The following CDC42BPG variants were observed in gnomAD, a reference collection of about 807,000 sequenced individuals.
CDC42BPG encodes CDC42 binding protein kinase gamma.
A neutral mutation model predicts 192.2 loss-of-function variants in CDC42BPG; 157 were observed. That is an observed-to-expected ratio of 0.82 (90% CI 0.72 to 0.93). The LOEUF is 0.93. Ranked by LOEUF, CDC42BPG falls within the 40% of genes least tolerant of loss-of-function variation. CDC42BPG has a pLI of 0.00. For synonymous variants in CDC42BPG, 981 were observed against 918.5 expected, an observed-to-expected ratio of 1.07 and a Z score of -1.23; for missense variants, 1,992 against 2,122.1, an observed-to-expected ratio of 0.94 and a Z score of 1.20.
rs1565670589 is a variant in CDC42BPG, at chr11:64,827,736, C to T, written c.4015G>A (p.Val1339Met). ...LTVFSENSID[V>M]FDVRRAEWVQ... ...CATTCTGCCCTCCTCACGTCAAACA[C>T]ATCGATGGAGTTCTCGCTGAACACT... The change falls in exon 31 of 37, where the codon GTG (valine) becomes ATG (methionine). Residue 1339 changes from valine to methionine, a missense_variant. Val to Met is a conservative substitution (Grantham distance 21). Coordinates refer to ENST00000342711, the MANE Select transcript of CDC42BPG (RefSeq NM_017525.3). 6.2e-7 allele frequency: 1 copy of T among 1,613,406 alleles called. No individual in the cohort carries two copies. Among genetic ancestry groups the T allele is most frequent in the Non-Finnish European group, 8.5e-7 (1 of 1,179,658 alleles).
In CDC42BPG at chr11:64,844,421, A is replaced by C; in HGVS notation, c.149T>G (p.Phe50Cys). Residue 50 changes from phenylalanine (F) to cysteine (C), a missense_variant, in exon 1 of 37, where the codon TTC (phenylalanine) becomes TGC (cysteine). Phe to Cys is a radical substitution (Grantham distance 205). Around this residue, in one of 2 missense-constraint regions of CDC42BPG, gnomAD observed 1,656 missense variants for 1,844.3 expected, o/e 0.90. Transcript: ENST00000342711. The part of the protein sequence containing the change: ...PLRRERSVAQ[F>C]LSWASPFVSK... Reference sequence around the variant, plus strand: ...GCCCCGCCACTCACCCCAGCTCAGGAACTGCGCCACGCTGCGCTCCCGCCG... The same window carrying C: ...GCCCCGCCACTCACCCCAGCTCAGGCACTGCGCCACGCTGCGCTCCCGCCG... 2 of 1,464,530 alleles carry C rather than the reference A, an allele frequency of 1.4e-6. No individual in the cohort carries two copies. The highest frequency in any genetic ancestry group is 1.8e-6 in the Non-Finnish European group (2 of 1,113,860). The allele number at this position is 1,464,530 out of a possible 1,614,324, so 90.7% of individuals were successfully genotyped here. A position where few individuals can be genotyped will look rare whatever the true frequency, so the allele number is the denominator to read the frequency against.
chr11:64,827,909 C>G (rs1942510300), intron 30 of CDC42BPG, 126 bp from the exon 31 acceptor site: 1 of 748,794 alleles, frequency 1.3e-6, no homozygotes, highest in African/African-American at 1.8e-5. Context: ...GACTCCCTGT[C>G]GCCCGGCCCA....
chr11:64,830,273 G>A lies in CDC42BPG; in HGVS notation c.3305-17C>T. 6.3e-7 allele frequency: 1 copy of A among 1,592,166 alleles called. No homozygotes were observed. Among genetic ancestry groups the A allele is most frequent in the Non-Finnish European group, 8.6e-7 (1 of 1,168,456 alleles). ...GATCCTGGTCTGGTAGAGGGAGGCA[G>A]AGGGTCAGAGGTCAGCAGTCCCACT... On this transcript the variant is annotated splice_polypyrimidine_tract_variant and intron_variant, in intron 28 of 36. Coordinates refer to ENST00000342711, the MANE Select transcript of CDC42BPG (RefSeq NM_017525.3).
intron 1 of CDC42BPG, among the ~76,000 whole-genome samples, chr11:64,843,342 G>T (rs1253040381): frequency 6.8e-6 from 1 of 146,186 alleles, no homozygotes; most frequent in Non-Finnish European, 1.5e-5. Flanking sequence ...TGGGTGTCAT[G>T]GGGGGGGTGA....
intron 36 of CDC42BPG, among the ~76,000 whole-genome samples, chr11:64,826,194 T>C (rs1942407910): frequency 6.6e-6 from 1 of 152,182 alleles, no homozygotes. Flanking sequence ...CACATCATTT[T>C]ACAGGTAAGA....
Position 64,827,507 on chromosome 11 carries a change from G to A in CDC42BPG, c.4150+20C>T, listed in dbSNP as rs748255266. 10 of 1,611,164 alleles carry A rather than the reference G, an allele frequency of 6.2e-6. No homozygotes were observed. In the East Asian group the frequency reaches 6.7e-5, roughly 11 times the overall value. On this transcript the variant is annotated intron_variant, in intron 32 of 36. Coordinates refer to ENST00000342711, the MANE Select transcript of CDC42BPG (RefSeq NM_017525.3). ...TGCGCACTGGGGAACGCACACACCC[G>A]TACACACGCACTCCCTCACCTGCCA... is the stretch of plus-strand genomic sequence containing the variant.
rs567335123 is a variant in CDC42BPG at position 64,843,764 on chromosome 11, G to A, written c.160+646C>T. ...CAGCTAGGCCCCCCTCCCCGGCCCC[G>A]GCGCCACAGCCCCCAAGGAGCTTGG... On this transcript the variant is annotated intron_variant, in intron 1 of 36. Transcript: ENST00000342711. Among the ~76,000 whole-genome samples, 11 of 152,278 alleles carry A rather than the reference G, an allele frequency of 7.2e-5. No individual in the cohort carries two copies. In the South Asian group the frequency reaches 1.7e-3, roughly 23 times the overall value.
At position 64,826,952 on chromosome 11, in the gene CDC42BPG, T is replaced by G. The variant is rs1276011669; in HGVS notation, c.4389+98A>C. On this transcript the variant is annotated intron_variant, in intron 34 of 36. Coordinates refer to ENST00000342711, the MANE Select transcript of CDC42BPG (RefSeq NM_017525.3). ...AAGTGTGAGTCCCAGGCCTTAGGAGTAATTACAGCGGCCCGTGATTGGCTA... is the reference window on the plus strand; with the variant it reads ...AAGTGTGAGTCCCAGGCCTTAGGAGGAATTACAGCGGCCCGTGATTGGCTA... The G allele has an allele frequency of 2.6e-6, 3 of 1,155,480 alleles. No homozygotes were observed. In the African/African-American group the frequency reaches 4.6e-5, roughly 18 times the overall value. 71.6% of individuals were successfully genotyped at this position (1,155,480 alleles called of 1,614,324 possible). A position where few individuals can be genotyped will look rare whatever the true frequency, so the allele number is the denominator to read the frequency against.
In CDC42BPG at chr11:64,836,719, G is replaced by GGGGGC; in HGVS notation, c.1384+19_1384+20insGCCCC. ...GGGACTCAGCCCTGGGGGGGGGGGGGGGGTGGGCGGAAGGGATACCTGGCA... is the reference window on the plus strand; with the variant it reads ...GGGACTCAGCCCTGGGGGGGGGGGGGGGGGCGGGTGGGCGGAAGGGATACCTGGCA... On this transcript the variant is annotated intron_variant, in intron 11 of 36. Coordinates refer to ENST00000342711, the MANE Select transcript of CDC42BPG (RefSeq NM_017525.3). 9.0e-5 allele frequency: 76 copies of GGGGGC among 842,224 alleles called. 1 individual carries two copies. The highest frequency in any genetic ancestry group is 1.2e-4 in the Non-Finnish European group (72 of 582,288). The allele number at this position is 842,224 out of a possible 1,614,324, so 52.2% of individuals were successfully genotyped here.
chr11:64,830,723 GCT>G (rs1166623441), intron 28 of CDC42BPG, among the ~76,000 whole-genome samples: 1 of 152,166 alleles, frequency 6.6e-6, no homozygotes, highest in Non-Finnish European at 1.5e-5. Context: ...ACGCCAAGGA[GCT>G]CTGTTTCATG....
chr11:64,830,102 G>A (rs12790925), intron 29 of CDC42BPG, 32 bp from the exon 30 acceptor site: 408,421 of 1,612,102 alleles, frequency 0.25, 56,855 homozygotes, highest in East Asian at 0.57. Context: ...AGTGTCACTG[G>A]CAGGTGGTTG....
chr11:64,828,972 C>T (rs1225126890), intron 30 of CDC42BPG, among the ~76,000 whole-genome samples: 1 of 152,116 alleles, frequency 6.6e-6, no homozygotes, highest in Non-Finnish European at 1.5e-5. Context: ...ATCACCTGAA[C>T]CCGGGAAGCA....
chr11:64,836,723 TG>T lies in CDC42BPG; in HGVS notation c.1384+15del. 2.6e-6 allele frequency: 1 copy of T among 379,134 alleles called. No individual in the cohort carries two copies. The highest frequency in any genetic ancestry group is 4.1e-6 in the Non-Finnish European group (1 of 244,542). The allele number at this position is 379,134 out of a possible 1,614,324, so 23.5% of individuals were successfully genotyped here. A position where few individuals can be genotyped will look rare whatever the true frequency, so the allele number is the denominator to read the frequency against. ...CTCAGCCCTGGGGGGGGGGGGGGGG[TG>T]GGCGGAAGGGATACCTGGCAGCCTG... On this transcript the variant is annotated intron_variant, in intron 11 of 36. Transcript: ENST00000342711.
chr11:64,834,619 T>C, intron 18 of CDC42BPG, 42 bp from the exon 19 acceptor site: 1 of 1,501,392 alleles, frequency 6.7e-7, no homozygotes, highest in East Asian at 2.4e-5. Context: ...TTTCTAGGCC[T>C]GGCTGCCTCA....
intron 30 of CDC42BPG, among the ~76,000 whole-genome samples, chr11:64,828,472 G>A (rs554836131): frequency 6.6e-6 from 1 of 152,330 alleles, no homozygotes; most frequent in South Asian, 2.1e-4. Flanking sequence ...GAGAGAGAGT[G>A]GGGCAAAGAG....
rs1942896646 is a variant in CDC42BPG, at chr11:64,834,846, C to T, written c.2175+3G>A. The stretch of plus-strand genomic sequence containing the variant: ...AGCCCCCAGGGGCATCTCTGGGGCT[C>T]ACCAGTGGCCGGGCAGGGAGCGTCT... On this transcript the variant is annotated splice_donor_region_variant and intron_variant, in intron 18 of 36. Coordinates refer to ENST00000342711, the MANE Select transcript of CDC42BPG (RefSeq NM_017525.3). 11 of 1,611,850 alleles carry T rather than the reference C, an allele frequency of 6.8e-6. No homozygotes were observed. Among genetic ancestry groups the T allele is most frequent in the African/African-American group, 1.3e-5 (1 of 75,044 alleles).
In CDC42BPG at chr11:64,834,835, T is replaced by C; in HGVS notation, c.2175+14A>G. 1 of 1,607,510 alleles carries C rather than the reference T, an allele frequency of 6.2e-7. No individual in the cohort carries two copies. Among genetic ancestry groups the C allele is most frequent in the South Asian group, 1.1e-5 (1 of 90,652 alleles). ...TTGCCCAAGCCAGCCCCCAGGGGCATCTCTGGGGCTCACCAGTGGCCGGGC... is the reference window on the plus strand; with the variant it reads ...TTGCCCAAGCCAGCCCCCAGGGGCACCTCTGGGGCTCACCAGTGGCCGGGC... On this transcript the variant is annotated intron_variant, in intron 18 of 36. Transcript: ENST00000342711.
At chr11:64,839,642 G>T in intron 5 of CDC42BPG, 71 bp from the exon 6 acceptor site, 1 of 1,273,922 alleles carries the variant, frequency 7.8e-7, no homozygotes, top group Non-Finnish European at 1.1e-6. Context: ...CACACGCCCA[G>T]GTGCACATGC....
chr11:64,840,635 C>T lies in CDC42BPG; in HGVS notation c.350G>A (p.Arg117Gln), dbSNP rs775326529. Residue 117 changes from arginine (R) to glutamine (Q), a missense_variant, in exon 4 of 37, where the codon CGG becomes CAG. Around this residue, in one of 2 missense-constraint regions of CDC42BPG, gnomAD observed 1,656 missense variants for 1,844.3 expected, o/e 0.90. Transcript: ENST00000342711. ...TTTCACGAGCACATCCCGCTCCTCC[C>T]GGAAACAGGCTGTCTGCAGCAGGTT... ...MLKRAETACFREERDVLVKGD... is the reference protein window; with the variant it reads ...MLKRAETACFQEERDVLVKGD... 1.1e-5 allele frequency: 17 copies of T among 1,613,824 alleles called. No homozygotes were observed. The highest frequency in any genetic ancestry group is 4.0e-5 in the African/African-American group (3 of 75,070).
Sources: allele counts gnomAD v4.1 joint callset (sites outside exome capture counted in the v4.1 genomes callset), GRCh38; gene constraint gnomAD v4.1.1; regional missense constraint gnomAD v4.1.1; transcripts MANE v1.5; gene names NCBI Gene and HGNC (gene_info 2026-07-23, HGNC 2026-07-21).